The following SOX5 variants were observed in gnomAD, a reference collection of about 807,000 sequenced individuals.
The protein encoded by SOX5 is transcription factor SOX-5.
A neutral mutation model predicts 92.0 loss-of-function variants in SOX5; 9 were observed. The observed-to-expected ratio is 0.10, with a 90% CI of 0.06 to 0.17. The LOEUF is 0.17. Ranked by LOEUF, SOX5 falls within the 10% of genes least tolerant of loss-of-function variation. The probability of loss-of-function intolerance (pLI) is 1.00; values close to 1 mark genes in which losing one functional copy is unlikely to be tolerated. For synonymous variants in SOX5, 344 were observed against 336.3 expected (o/e 1.02, Z -0.25); for missense variants, 642 against 944.5 (o/e 0.68, Z 4.20).
chr12:23,652,819 C>T (rs1474716687), intron 7 of SOX5, among the ~76,000 whole-genome samples: 5 of 152,030 alleles, frequency 3.3e-5, no homozygotes, highest in South Asian at 4.1e-4. Context: ...CCTCTGCTAA[C>T]GAAATTCGTT....
intron 4 of SOX5, among the ~76,000 whole-genome samples, chr12:24,205,819 G>T (rs192129020): frequency 1.1e-4 from 16 of 152,288 alleles, no homozygotes; most frequent in Non-Finnish European, 4.4e-5. Context: ...TTATACCCTT[G>T]TGACTGTGGT....
intron 4 of SOX5, among the ~76,000 whole-genome samples, chr12:24,187,471 G>C (rs945197393): frequency 2.6e-5 from 4 of 152,320 alleles, no homozygotes; most frequent in Middle Eastern, 3.4e-3. Flanking sequence ...AAAAGGCACA[G>C]ACAGAAATAC....
chr12:24,297,330 C>T (rs1462523082), intron 2 of SOX5, among the ~76,000 whole-genome samples: 8 of 152,202 alleles, frequency 5.3e-5, no homozygotes, highest in South Asian at 2.1e-4. Flanking sequence ...GCTTCATCTT[C>T]GACAGTCTTC....
At chr12:23,973,164 T>TG (rs944827338) in intron 4 of SOX5, among the ~76,000 whole-genome samples, 1 of 147,728 alleles carries the variant, frequency 6.8e-6, no homozygotes, top group African/African-American at 2.5e-5. Flanking sequence ...TTTTTTCTTT[T>TG]TTTTTTTTTT....
chr12:23,563,110 G>A, intron 11 of SOX5, 148 bp downstream of exon 11: 1 of 613,446 alleles, frequency 1.6e-6, no homozygotes, highest in Non-Finnish European at 2.8e-6. Context: ...GATTAGGATG[G>A]CGATGAGGCC....
chr12:24,253,878 C>T (rs1940647013), intron 3 of SOX5, among the ~76,000 whole-genome samples: 1 of 152,070 alleles, frequency 6.6e-6, no homozygotes. Context: ...TCTTGTAATC[C>T]TTCAGTTCCA....
rs180684816 is a variant in SOX5 at position 24,464,593 on chromosome 12, G to A, written c.-250-95954C>T. 5.8e-4 allele frequency among the ~76,000 whole-genome samples: 89 copies of A among 152,230 alleles called. No individual in the cohort carries two copies. In the Middle Eastern group the frequency reaches 0.014, roughly 23 times the overall value. ...CCTGACCTTGTGATCCACCCGCCTCGGCCTCCCAAAGTGCTGGGATTACAG... is the reference window on the plus strand; with the variant it reads ...CCTGACCTTGTGATCCACCCGCCTCAGCCTCCCAAAGTGCTGGGATTACAG... On this transcript the variant is annotated intron_variant, in intron 1 of 4. Transcript: ENST00000446891.
chr12:23,574,938 C>T (rs1948892563), intron 10 of SOX5, among the ~76,000 whole-genome samples: 1 of 152,120 alleles, frequency 6.6e-6, no homozygotes, highest in Non-Finnish European at 1.5e-5. Flanking sequence ...CTGACTTATA[C>T]CATAGAATGA....
rs556533463 is a variant in SOX5, at chr12:23,881,076, C to T, written c.270+14717G>A. Among the ~76,000 whole-genome samples, 3 of 152,202 alleles carry T rather than the reference C, an allele frequency of 2.0e-5. No individual in the cohort carries two copies. The South Asian group carries it at 6.2e-4, about 32-fold the overall frequency. On this transcript the variant is annotated intron_variant, in intron 2 of 14. Coordinates refer to ENST00000451604, the MANE Select transcript of SOX5 (RefSeq NM_006940.6). ...TAGAGGGGTGGGGAAAGGGAGAGAGCATCTTAAATACCACCTATCTTCTAG... is the reference window on the plus strand; with the variant it reads ...TAGAGGGGTGGGGAAAGGGAGAGAGTATCTTAAATACCACCTATCTTCTAG...
intron 3 of SOX5, among the ~76,000 whole-genome samples, chr12:23,837,187 A>G (rs1282885916): frequency 7.3e-6 from 1 of 137,066 alleles, no homozygotes; most frequent in Non-Finnish European, 1.5e-5. Flanking sequence ...CTCCATATAT[A>G]CATGTGTATA....
intron 3 of SOX5, among the ~76,000 whole-genome samples, chr12:23,802,051 T>G (rs761545338): frequency 2.0e-5 from 3 of 151,956 alleles, no homozygotes; most frequent in Non-Finnish European, 4.4e-5. Context: ...TACGGAACAT[T>G]TAATTCTTTT....
intron 2 of SOX5, among the ~76,000 whole-genome samples, chr12:24,329,708 T>C (rs1225763443): frequency 2.0e-5 from 3 of 151,850 alleles, no homozygotes; most frequent in South Asian, 4.2e-4. Flanking sequence ...ATTTTCGATA[T>C]AAGGGAAAAT....
At chr12:24,046,346 T>C (rs1957024334) in intron 4 of SOX5, among the ~76,000 whole-genome samples, 1 of 152,180 alleles carries the variant, frequency 6.6e-6, no homozygotes, top group African/African-American at 2.4e-5. Context: ...AGAGCCTTTT[T>C]TTTCCCTTTC....
At chr12:23,776,019 T>C (rs1299120258) in intron 3 of SOX5, among the ~76,000 whole-genome samples, 2 of 152,288 alleles carry the variant, frequency 1.3e-5, no homozygotes, top group South Asian at 4.1e-4. Context: ...CACTAGGCAT[T>C]AATTAGACTC....
At chr12:23,567,097 GC>G (rs1316091144) in intron 10 of SOX5, among the ~76,000 whole-genome samples, 2 of 152,164 alleles carry the variant, frequency 1.3e-5, no homozygotes, top group Admixed American at 6.5e-5. Flanking sequence ...TATTAACATG[GC>G]TTTGACTATC....
chr12:24,545,171 C>T (rs1034913372), intron 1 of SOX5, among the ~76,000 whole-genome samples: 1 of 152,166 alleles, frequency 6.6e-6, no homozygotes, highest in Non-Finnish European at 1.5e-5. Flanking sequence ...ACCCCATCAC[C>T]ACCACCATAT....
At chr12:23,658,429 GGAACTTAAAT>G (rs770290161) in intron 7 of SOX5, among the ~76,000 whole-genome samples, 127 of 151,970 alleles carry the variant, frequency 8.4e-4, no homozygotes, top group Non-Finnish European at 1.5e-3. Flanking sequence ...ACCTCAAAAG[GGAACTTAAAT>G]GACTGGCCAT....
chr12:23,536,032 A>T (rs984418514), intron 14 of SOX5, among the ~76,000 whole-genome samples: 4 of 152,122 alleles, frequency 2.6e-5, no homozygotes, highest in African/African-American at 7.2e-5. Flanking sequence ...TAGCTCACTA[A>T]CCTCTCTATA....
intron 1 of SOX5, among the ~76,000 whole-genome samples, chr12:24,386,755 C>G (rs1448259417): frequency 6.6e-6 from 1 of 152,000 alleles, no homozygotes; most frequent in African/African-American, 2.4e-5. Flanking sequence ...AAATAAAGAA[C>G]AAGGAATCTA....
Sources: allele counts gnomAD v4.1 joint callset (sites outside exome capture counted in the v4.1 genomes callset), GRCh38; gene constraint gnomAD v4.1.1; transcripts MANE v1.5; gene names NCBI Gene and HGNC (gene_info 2026-07-23, HGNC 2026-07-21).